CEP15: variants seen among roughly 807,000 people sequenced by gnomAD.
The protein encoded by CEP15 is centrosomal protein 15 kDa.
chr3:62,323,456 A>T, the CEP15 span, among the ~76,000 whole-genome samples: 1 of 152,210 alleles, frequency 6.6e-6, no homozygotes, highest in South Asian at 2.1e-4. Flanking sequence ...GAGCGTGACT[A>T]ACTAGCTTAG....
At chr3:62,333,242 T>C in the CEP15 span, 4 of 1,593,052 alleles carry the variant, frequency 2.5e-6, no homozygotes, top group East Asian at 2.3e-5. This position sits in a 1 kb window ranked among gnomAD's most constrained non-coding sequence, Gnocchi z 4.0. Flanking sequence ...TACTTTTGGA[T>C]TTTTTTTTCC....
chr3:62,331,254 A>G, the CEP15 span: 1 of 1,310,860 alleles, frequency 7.6e-7, no homozygotes, highest in East Asian at 2.3e-5. Context: ...TGGGATACAG[A>G]TATTGCTAGT....
the CEP15 span, chr3:62,334,307 G>A: frequency 6.6e-6 from 1 of 151,556 alleles, no homozygotes; most frequent in Non-Finnish European, 1.5e-5. This position sits in a 1 kb window ranked among gnomAD's most constrained non-coding sequence, Gnocchi z 4.9. Context: ...GCTAGTAAAG[G>A]GTACCTATGC....
the CEP15 span, among the ~76,000 whole-genome samples, chr3:62,333,071 C>G: frequency 1.3e-5 from 2 of 151,884 alleles, no homozygotes; most frequent in African/African-American, 4.8e-5. This position sits in a 1 kb window ranked among gnomAD's most constrained non-coding sequence, Gnocchi z 4.0. Context: ...TAGTAAGTAG[C>G]CAGATTTTTT....
At chr3:62,332,039 G>T in the CEP15 span, among the ~76,000 whole-genome samples, 1 of 152,080 alleles carries the variant, frequency 6.6e-6, no homozygotes, top group South Asian at 2.1e-4. Context: ...TAGAGGCTGA[G>T]AATTTTCCCC....
chr3:62,329,492 G>A, the CEP15 span, among the ~76,000 whole-genome samples: 11 of 152,172 alleles, frequency 7.2e-5, no homozygotes, highest in Admixed American at 3.3e-4. Context: ...AAAAATTAGC[G>A]AGCTAAAGAG....
chr3:62,326,587 A>G, the CEP15 span, among the ~76,000 whole-genome samples: 20 of 152,284 alleles, frequency 1.3e-4, no homozygotes, highest in Admixed American at 6.5e-4. Context: ...AGCCTTCTCA[A>G]TTCTGCCATA....
chr3:62,324,761 G>T, the CEP15 span, among the ~76,000 whole-genome samples: 1 of 152,122 alleles, frequency 6.6e-6, no homozygotes, highest in Non-Finnish European at 1.5e-5. Context: ...TTTAAAAATG[G>T]TTCCAATAAA....
the CEP15 span, among the ~76,000 whole-genome samples, chr3:62,328,816 G>A: frequency 1.3e-5 from 2 of 152,004 alleles, no homozygotes; most frequent in Admixed American, 6.6e-5. Context: ...TTACCTTCTG[G>A]TAGTATATAA....
the CEP15 span, among the ~76,000 whole-genome samples, chr3:62,332,344 T>C: frequency 6.6e-6 from 1 of 152,238 alleles, no homozygotes. Context: ...TATAGACATA[T>C]AGAATCCCTC....
the CEP15 span, among the ~76,000 whole-genome samples, chr3:62,326,730 A>T: frequency 1.3e-5 from 2 of 152,174 alleles, no homozygotes; most frequent in Non-Finnish European, 2.9e-5. Flanking sequence ...ATAATTATCG[A>T]AACATGGCCA....
the CEP15 span, chr3:62,331,435 C>A: frequency 4.6e-6 from 7 of 1,524,120 alleles, no homozygotes; most frequent in South Asian, 7.9e-5. Context: ...AAAAGAGAGA[C>A]CCTATCTATC....
At chr3:62,326,319 C>T in the CEP15 span, among the ~76,000 whole-genome samples, 1,461 of 152,316 alleles carry the variant, frequency 9.6e-3, 13 homozygotes, top group Middle Eastern at 0.017. Flanking sequence ...TAAATGCTTA[C>T]ATTGTACCAA....
the CEP15 span, among the ~76,000 whole-genome samples, chr3:62,327,690 C>T: frequency 3.3e-5 from 5 of 152,206 alleles, no homozygotes; most frequent in African/African-American, 1.2e-4. Context: ...TGAAGAGAAT[C>T]TTCCCCTCAT....
At chr3:62,320,701 G>C in the CEP15 span, among the ~76,000 whole-genome samples, 1 of 152,092 alleles carries the variant, frequency 6.6e-6, no homozygotes, top group Non-Finnish European at 1.5e-5. Context: ...AAGATTAAAA[G>C]GTATGTTCTA....
chr3:62,322,133 A>C, the CEP15 span: 1 of 1,427,958 alleles, frequency 7.0e-7, no homozygotes, highest in South Asian at 1.3e-5. This position sits in a 1 kb window ranked among gnomAD's most constrained non-coding sequence, Gnocchi z 5.5. Context: ...AAATTGATTT[A>C]TATAACTTAT....
the CEP15 span, among the ~76,000 whole-genome samples, chr3:62,325,283 A>G: frequency 6.6e-6 from 1 of 152,226 alleles, no homozygotes; most frequent in Non-Finnish European, 1.5e-5. Flanking sequence ...CTAACATAAA[A>G]TAAAAAAACA....
the CEP15 span, among the ~76,000 whole-genome samples, chr3:62,328,897 AG>A: frequency 1.4e-5 from 2 of 144,228 alleles, no homozygotes; most frequent in African/African-American, 2.6e-5. Context: ...CAAATTGCGA[AG>A]TTTTTTTTTT....
the CEP15 span, chr3:62,322,436 C>T: frequency 2.1e-3 from 348 of 168,538 alleles, no homozygotes; most frequent in African/African-American, 7.9e-3. This position sits in a 1 kb window ranked among gnomAD's most constrained non-coding sequence, Gnocchi z 5.5. Context: ...AGCCAACTCA[C>T]AACTATCAAA....
Sources: gnomAD v4.1 joint callset for allele counts (sites outside exome capture counted in the v4.1 genomes callset) on GRCh38, gnomAD v4.1.1 for gene constraint, Gnocchi (gnomAD v3.1) non-coding constraint, MANE v1.5 for transcripts, NCBI Gene and HGNC (gene_info 2026-07-23, HGNC 2026-07-21) for gene names.